Variants in BBOX1 observed in about 807,000 individuals in gnomAD.
BBOX1 encodes gamma-butyrobetaine hydroxylase 1, also known as gamma-butyrobetaine dioxygenase.
Under a neutral mutation model 41.6 loss-of-function variants are expected in BBOX1, and 35 were observed. The observed-to-expected ratio is 0.84, with a 90% CI of 0.64 to 1.11. BBOX1 has a LOEUF of 1.11. Among genes scored for constraint, BBOX1 ranks in the 50% most tolerant of loss-of-function variants. BBOX1 has a pLI of 0.00. For synonymous variants in BBOX1, 163 were observed against 154.7 expected, an observed-to-expected ratio of 1.05 and a Z score of -0.40; for missense variants, 458 against 460.6, an observed-to-expected ratio of 0.99 and a Z score of 0.05.
intron 4 of BBOX1, among the ~76,000 whole-genome samples, chr11:27,073,575 G>A (rs1857531287): frequency 6.7e-6 from 1 of 149,602 alleles, no homozygotes; most frequent in Non-Finnish European, 1.5e-5. Context: ...TATACCCAAA[G>A]GATTATAAAT....
At chr11:27,094,246 C>G (rs1286217803) in intron 5 of BBOX1, among the ~76,000 whole-genome samples, 2 of 151,898 alleles carry the variant, frequency 1.3e-5, no homozygotes, top group Non-Finnish European at 2.9e-5. Flanking sequence ...ACAGGAAACA[C>G]TTATGTAGAT....
At chr11:27,097,837 C>T (rs1858496710) in intron 5 of BBOX1, among the ~76,000 whole-genome samples, 1 of 152,008 alleles carries the variant, frequency 6.6e-6, no homozygotes. Context: ...TCAAAATTTA[C>T]ACAGGCTACC....
intron 2 of BBOX1, among the ~76,000 whole-genome samples, chr11:27,047,495 G>A (rs563058520): frequency 1.3e-5 from 2 of 151,870 alleles, no homozygotes; most frequent in Non-Finnish European, 2.9e-5. Flanking sequence ...ATGCACCCCT[G>A]GACTGGGTAT....
intron 4 of BBOX1, chr11:27,062,911 T>C (rs1857173606): frequency 6.6e-6 from 1 of 152,346 alleles, no homozygotes; most frequent in Admixed American, 6.5e-5. Flanking sequence ...GTGCACCTGC[T>C]TGGCTCTTGG....
At chr11:27,123,920 C>T (rs574319340) in intron 7 of BBOX1, among the ~76,000 whole-genome samples, 1 of 152,176 alleles carries the variant, frequency 6.6e-6, no homozygotes, top group Non-Finnish European at 1.5e-5. Flanking sequence ...TTTTTGAAAG[C>T]CTGTTCCTTC....
chr11:27,064,001 G>T (rs1857209914), intron 4 of BBOX1, among the ~76,000 whole-genome samples: 1 of 152,188 alleles, frequency 6.6e-6, no homozygotes, highest in Non-Finnish European at 1.5e-5. Context: ...CAAAAATCTT[G>T]TGTGTTTTTC....
chr11:27,058,826 C>A (rs12419903), intron 4 of BBOX1, among the ~76,000 whole-genome samples: 7 of 152,000 alleles, frequency 4.6e-5, no homozygotes, highest in Non-Finnish European at 1.0e-4. Flanking sequence ...GATACAAGAG[C>A]AAACAAATAA....
At chr11:27,054,238 T>C (rs1485212928) in intron 2 of BBOX1, among the ~76,000 whole-genome samples, 2 of 139,076 alleles carry the variant, frequency 1.4e-5, no homozygotes, top group African/African-American at 5.2e-5. Context: ...TGTGTGTGCG[T>C]GCACATGTGT....
intron 4 of BBOX1, among the ~76,000 whole-genome samples, chr11:27,067,723 T>A (rs1257297048): frequency 1.3e-5 from 2 of 151,982 alleles, no homozygotes; most frequent in Non-Finnish European, 2.9e-5. Flanking sequence ...ATCGCGCCAC[T>A]GCACTCCAGC....
At position 27,127,429 on chromosome 11, in the gene BBOX1, G is replaced by A; in HGVS notation, c.1140G>A (p.Arg380=). ...TCATGTCAAGGCTTCGTATCTTAAG[G>A]CAGAGGGTGGAGAATGGAAACTGAA... ...DVVMSRLRIL[R]QRVENGN is the part of the protein sequence containing the mutation. Residue 380 remains arginine (R), a synonymous_variant, in exon 9 of 9, where the codon AGG becomes AGA. Transcript: ENST00000263182. 1 of 1,609,820 alleles carries A rather than the reference G, an allele frequency of 6.2e-7. No homozygotes were observed. The highest frequency in any genetic ancestry group is 8.5e-7 in the Non-Finnish European group (1 of 1,179,060).
chr11:27,065,022 C>A (rs541506258), intron 4 of BBOX1, among the ~76,000 whole-genome samples: 50 of 152,284 alleles, frequency 3.3e-4, no homozygotes, highest in Middle Eastern at 3.4e-3. Flanking sequence ...TCCTCTCTTT[C>A]CCCTAACCTG....
At chr11:27,119,412 T>C (rs887518707) in intron 6 of BBOX1, among the ~76,000 whole-genome samples, 8 of 151,954 alleles carry the variant, frequency 5.3e-5, no homozygotes, top group African/African-American at 1.7e-4. Flanking sequence ...GTTTGAACTA[T>C]ACAGTATTGA....
At chr11:27,085,346 AC>A (rs1214905173) in intron 4 of BBOX1, among the ~76,000 whole-genome samples, 34 of 152,240 alleles carry the variant, frequency 2.2e-4, no homozygotes, top group Non-Finnish European at 4.3e-4. Context: ...GCATGTACTC[AC>A]TTTTTGCCTC....
intron 8 of BBOX1, among the ~76,000 whole-genome samples, chr11:27,126,848 C>G (rs777944587): frequency 1.6e-4 from 25 of 151,666 alleles, no homozygotes; most frequent in Admixed American, 3.3e-4. Context: ...CTAATTTTTT[C>G]TATTTTTAGT....
At chr11:27,104,793 C>T (rs1055616675) in intron 5 of BBOX1, among the ~76,000 whole-genome samples, 5 of 152,138 alleles carry the variant, frequency 3.3e-5, no homozygotes, top group Non-Finnish European at 5.9e-5. Flanking sequence ...AGACTGCCTC[C>T]TCAAGTGGGT....
intron 4 of BBOX1, among the ~76,000 whole-genome samples, chr11:27,089,818 C>A (rs1372920019): frequency 6.6e-6 from 1 of 152,008 alleles, no homozygotes; most frequent in Non-Finnish European, 1.5e-5. Flanking sequence ...ATGCCCTTAA[C>A]ACTGATGTTT....
At chr11:27,072,779 C>T (rs1464599417) in intron 4 of BBOX1, among the ~76,000 whole-genome samples, 3 of 152,138 alleles carry the variant, frequency 2.0e-5, no homozygotes, top group Admixed American at 6.5e-5. Flanking sequence ...CATCTACAAC[C>T]ATCTGATCTT....
At chr11:27,101,589 G>A (rs1341742454) in intron 5 of BBOX1, among the ~76,000 whole-genome samples, 1 of 151,926 alleles carries the variant, frequency 6.6e-6, no homozygotes, top group Non-Finnish European at 1.5e-5. Context: ...TTTTCTTTAT[G>A]TTTTTACAGG....
At chr11:27,064,552 A>T (rs1857225361) in intron 4 of BBOX1, among the ~76,000 whole-genome samples, 1 of 152,182 alleles carries the variant, frequency 6.6e-6, no homozygotes, top group South Asian at 2.1e-4. Context: ...AATGCATGTG[A>T]CTTTATTATA....
Sources: allele counts gnomAD v4.1 joint callset (sites outside exome capture counted in the v4.1 genomes callset), GRCh38; gene constraint gnomAD v4.1.1; transcripts MANE v1.5; gene names NCBI Gene and HGNC (gene_info 2026-07-23, HGNC 2026-07-21).